The following MDM2 variants were observed in gnomAD, a reference collection of about 807,000 sequenced individuals.
MDM2 encodes E3 ubiquitin-protein ligase Mdm2.
A neutral mutation model predicts 64.3 loss-of-function variants in MDM2; 11 were observed. That is an observed-to-expected ratio of 0.17 (90% CI 0.11 to 0.28). The LOEUF is 0.28. MDM2 is among the 10% of genes least tolerant of loss of function. MDM2 has a pLI of 1.00. For synonymous variants in MDM2, 194 were observed against 192.9 expected (o/e 1.01, Z -0.05); for missense variants, 388 against 577.1 (o/e 0.67, Z 3.36).
rs1883924592 is a variant in MDM2, at chr12:68,843,014, G to GAA, written c.*3166_*3167dup. On this transcript the variant is annotated 3_prime_UTR_variant, in exon 11 of 11. Transcript: ENST00000258149. ...AAGTTCTAACTTGTCATTCCTGGTAGAACAAGCTTTATTTTTCGAGCCTAG... is the reference window on the plus strand; with the variant it reads ...AAGTTCTAACTTGTCATTCCTGGTAGAAAACAAGCTTTATTTTTCGAGCCTAG... 4.7e-6 allele frequency: 1 copy of GAA among 213,722 alleles called. No individual in the cohort carries two copies. The highest frequency in any genetic ancestry group is 9.4e-6 in the Non-Finnish European group (1 of 106,076). The allele number at this position is 213,722 out of a possible 1,614,324, so 13.2% of individuals were successfully genotyped here. A position where few individuals can be genotyped will look rare whatever the true frequency, so the allele number is the denominator to read the frequency against.
chr12:68,814,938 C>A (rs1020444540), intron 3 of MDM2, among the ~76,000 whole-genome samples: 1 of 152,136 alleles, frequency 6.6e-6, no homozygotes, highest in African/African-American at 2.4e-5. Flanking sequence ...TTCCATTTTT[C>A]TTTTTCCTCT....
downstream of MDM2, chr12:68,848,824 T>TGCCTCA (rs1884506510): frequency 6.6e-6 from 1 of 152,252 alleles, no homozygotes. Context: ...GCAATTCTCC[T>TGCCTCA]GCCTCAGCCT....
Position 68,839,985 on chromosome 12 carries a change from A to T in MDM2, c.*136A>T, listed in dbSNP as rs1313096588. ...AGATTTCTTCTCTTTAGTATAATTG[A>T]CCTACTTTGGTAGTGGAATAGTGAA... On this transcript the variant is annotated 3_prime_UTR_variant, in exon 11 of 11. Transcript: ENST00000258149. 2 of 794,326 alleles carry T rather than the reference A, an allele frequency of 2.5e-6. No individual in the cohort carries two copies. Among genetic ancestry groups the T allele is most frequent in the South Asian group, 2.0e-5 (1 of 49,866 alleles). 49.2% of individuals were successfully genotyped at this position (794,326 alleles called of 1,614,324 possible).
intron 2 of MDM2, among the ~76,000 whole-genome samples, chr12:68,812,899 C>T (rs1881032280): frequency 6.6e-6 from 1 of 152,040 alleles, no homozygotes; most frequent in Non-Finnish European, 1.5e-5. Context: ...AAAATTGACC[C>T]CTAATCTAGT....
chr12:68,816,963 TCCATTGTAAAAAG>T lies in MDM2; in HGVS notation c.308+23_308+35del, dbSNP rs1881434969. 2 of 1,608,542 alleles carry T rather than the reference TCCATTGTAAAAAG, an allele frequency of 1.2e-6. No individual in the cohort carries two copies. The highest frequency in any genetic ancestry group is 2.7e-5 in the African/African-American group (2 of 74,700). ...GAGCACAGGTAATTCTTCAGTTTAG[TCCATTGTAAAAAG>T]CCATCTGGGCTAACATTTCAGTTCA... On this transcript the variant is annotated intron_variant, in intron 4 of 10. Transcript: ENST00000258149.
intron 7 of MDM2, among the ~76,000 whole-genome samples, chr12:68,827,067 A>C (rs527409963): frequency 9.2e-5 from 14 of 152,260 alleles, no homozygotes; most frequent in African/African-American, 3.1e-4. Flanking sequence ...AGTCCCAGCT[A>C]TTCAGGAGGC....
rs777082399 is a variant in MDM2 at position 68,843,993 on chromosome 12, T to A, written c.*4144T>A. 1 of 208,332 alleles carries A rather than the reference T, an allele frequency of 4.8e-6. No individual in the cohort carries two copies. Among genetic ancestry groups the A allele is most frequent in the Non-Finnish European group, 9.8e-6 (1 of 102,422 alleles). 12.9% of individuals were successfully genotyped at this position (208,332 alleles called of 1,614,324 possible). A position where few individuals can be genotyped will look rare whatever the true frequency, so the allele number is the denominator to read the frequency against. ...AGCTAGAACCAAGCAGAATCTGTTT[T>A]TTTCTGAGGAGTATCGGTAGCATAA... On this transcript the variant is annotated 3_prime_UTR_variant, in exon 11 of 11. Transcript: ENST00000258149.
At chr12:68,833,149 A>AT (rs1555187767) in intron 8 of MDM2, among the ~76,000 whole-genome samples, 4,945 of 64,924 alleles carry the variant, frequency 0.076, 153 homozygotes, top group South Asian at 0.15. Context: ...AAAAAAAAAA[A>AT]ATATATATAT....
Position 68,844,848 on chromosome 12 carries a change from C to G in MDM2, c.*4999C>G, listed in dbSNP as rs879706311. ...GTGGTGCAATCTTGGCTCACTGCAACCTCTGCCTCCTGGCTGTGTTCAAGT... is the reference window on the plus strand; with the variant it reads ...GTGGTGCAATCTTGGCTCACTGCAAGCTCTGCCTCCTGGCTGTGTTCAAGT... On this transcript the variant is annotated 3_prime_UTR_variant, in exon 11 of 11. Coordinates refer to ENST00000258149, the MANE Select transcript of MDM2 (RefSeq NM_002392.6). The G allele has an allele frequency of 4.5e-5, 9 of 201,684 alleles. No individual in the cohort carries two copies. Among genetic ancestry groups the G allele is most frequent in the Non-Finnish European group, 9.2e-5 (9 of 98,194 alleles). The allele number at this position is 201,684 out of a possible 1,614,324, so 12.5% of individuals were successfully genotyped here. A position where few individuals can be genotyped will look rare whatever the true frequency, so the allele number is the denominator to read the frequency against.
At chr12:68,817,350 C>G (rs953749456) in intron 4 of MDM2, among the ~76,000 whole-genome samples, 3 of 152,076 alleles carry the variant, frequency 2.0e-5, no homozygotes, top group African/African-American at 7.2e-5. Flanking sequence ...AACAGTATAC[C>G]ACCACGTGGT....
intron 5 of MDM2, among the ~76,000 whole-genome samples, chr12:68,822,563 T>C (rs186096833): frequency 4.7e-4 from 71 of 152,330 alleles, no homozygotes; most frequent in African/African-American, 1.7e-3. Flanking sequence ...AGTTTGAGTT[T>C]TCTGAAGTAT....
Position 68,813,620 on chromosome 12 carries a change from A to G in MDM2, c.166A>G (p.Met56Val). ...TGGTGCACAAAAAGACACTTATACT[A>G]TGAAAGAGGTAAGCTGAATCAAGAG... is the stretch of plus-strand genomic sequence containing the variant. ...SVGAQKDTYT[M>V]KEVLFYLGQY... The change falls in exon 3 of 11, where the codon ATG becomes GTG. Residue 56 changes from methionine (M) to valine (V), a missense_variant. By Grantham distance (21) the Met-to-Val change is conservative (BLOSUM62 1). Transcript: ENST00000258149. 6.2e-7 allele frequency: 1 copy of G among 1,611,424 alleles called. No individual in the cohort carries two copies. The highest frequency in any genetic ancestry group is 8.5e-7 in the Non-Finnish European group (1 of 1,178,108).
At chr12:68,836,137 G>A (rs1314817847) in intron 9 of MDM2, among the ~76,000 whole-genome samples, 153 bp downstream of exon 9, 8 of 152,060 alleles carry the variant, frequency 5.3e-5, no homozygotes, top group Admixed American at 1.3e-4. Context: ...GTGGACTTGA[G>A]GATTTCATAG....
At chr12:68,816,967 T>C (rs780052803) in intron 4 of MDM2, 22 bp downstream of exon 4, 4 of 1,607,556 alleles carry the variant, frequency 2.5e-6, no homozygotes, top group African/African-American at 1.3e-5. Context: ...GTTTAGTCCA[T>C]TGTAAAAAGC....
intron 1 of MDM2, 61 bp downstream of exon 1, chr12:68,808,552 C>T (rs1880566944): frequency 6.2e-7 from 1 of 1,610,112 alleles, no homozygotes; most frequent in African/African-American, 1.3e-5. Flanking sequence ...TCCCCTCTAT[C>T]GCTGGTTCCC....
chr12:68,813,663 A>G (rs768939568), intron 3 of MDM2, 35 bp downstream of exon 3: 7 of 1,469,410 alleles, frequency 4.8e-6, no homozygotes, highest in South Asian at 1.2e-5. Context: ...GTATCTCACT[A>G]GTTACATGTA....
Position 68,828,898 on chromosome 12 carries a change from T to C in MDM2, c.651T>C (p.Ser217=). 1.2e-6 allele frequency: 2 copies of C among 1,614,048 alleles called. No individual in the cohort carries two copies. The highest frequency in any genetic ancestry group is 1.7e-6 in the Non-Finnish European group (2 of 1,179,988). Residue 217 remains serine, a synonymous_variant, in exon 8 of 11, where the codon AGT becomes AGC. Coordinates refer to ENST00000258149, the MANE Select transcript of MDM2 (RefSeq NM_002392.6). The part of the protein sequence containing the change: ...VIREICCERS[S]SSESTGTPSN... ...GGGAGATATGTTGTGAAAGAAGCAGTAGCAGTGAATCTACAGGGACGCCAT... is the reference window on the plus strand; with the variant it reads ...GGGAGATATGTTGTGAAAGAAGCAGCAGCAGTGAATCTACAGGGACGCCAT...
intron 3 of MDM2, chr12:68,814,554 AT>A (rs745722534): frequency 2.4e-3 from 812 of 338,032 alleles, no homozygotes; most frequent in South Asian, 3.1e-3. Context: ...TAAGAATAGA[AT>A]TTTTTTTTTC....
In MDM2 at chr12:68,808,319, G is replaced by A; in HGVS notation, c.-159G>A. 2 of 906,098 alleles carry A rather than the reference G, an allele frequency of 2.2e-6. No individual in the cohort carries two copies. Among genetic ancestry groups the A allele is most frequent in the Non-Finnish European group, 3.4e-6 (2 of 581,170 alleles). The allele number at this position is 906,098 out of a possible 1,614,324, so 56.1% of individuals were successfully genotyped here. On this transcript the variant is annotated 5_prime_UTR_variant, in exon 1 of 11. Transcript: ENST00000258149. ...GAGATCCTGCTGCTTTCGCAGCCAG[G>A]AGCACCGTCCCTCCCCGGATTAGTG...
Sources: allele counts gnomAD v4.1 joint callset (sites outside exome capture counted in the v4.1 genomes callset), GRCh38; gene constraint gnomAD v4.1.1; transcripts MANE v1.5; gene names NCBI Gene and HGNC (gene_info 2026-07-23, HGNC 2026-07-21).